POLR3G: variants seen among roughly 807,000 people sequenced by gnomAD.
The protein encoded by POLR3G is RNA polymerase III subunit G, also known as DNA-directed RNA polymerase III subunit RPC7.
Under a neutral mutation model 30.1 loss-of-function variants are expected in POLR3G, and 28 were observed. That is an observed-to-expected ratio of 0.93 (90% CI 0.69 to 1.27). The LOEUF is 1.27. Ranked by LOEUF, POLR3G falls within the 50% of genes most tolerant of loss-of-function variation. The probability of loss-of-function intolerance (pLI) is 0.00; values close to 1 mark genes in which losing one functional copy is unlikely to be tolerated. For synonymous variants in POLR3G, 79 were observed against 82.5 expected (o/e 0.96, Z 0.23); for missense variants, 254 against 264.6 (o/e 0.96, Z 0.28).
At chr5:90,482,377 C>T (rs906373446) in intron 1 of POLR3G, among the ~76,000 whole-genome samples, 8 of 152,182 alleles carry the variant, frequency 5.3e-5, no homozygotes, top group African/African-American at 1.9e-4. Flanking sequence ...TCTAACCTAA[C>T]TGTGACTCCA....
intron 3 of POLR3G, chr5:90,490,900 A>C (rs1401446507): frequency 6.3e-6 from 1 of 159,914 alleles, no homozygotes. Flanking sequence ...GAACGACCCT[A>C]CTGTCAGAGA....
intron 3 of POLR3G, among the ~76,000 whole-genome samples, chr5:90,493,676 A>ATTTTTTTTTTTTTTTTTTTT (rs70999488): frequency 3.9e-5 from 2 of 51,466 alleles, no homozygotes; most frequent in Non-Finnish European, 7.8e-5. Flanking sequence ...CCACTATTTA[A>ATTTTTTTTTTTTTTTTTTTT]TTTTTTTTTT....
intron 7 of POLR3G, among the ~76,000 whole-genome samples, chr5:90,511,552 GA>G (rs1375409504): frequency 6.6e-6 from 1 of 151,080 alleles, no homozygotes; most frequent in East Asian, 1.9e-4. Flanking sequence ...ACAAGAAAAA[GA>G]AACTAAGAGG....
intron 1 of POLR3G, among the ~76,000 whole-genome samples, chr5:90,481,362 C>T (rs1384092825): frequency 6.6e-6 from 1 of 151,680 alleles, no homozygotes; most frequent in East Asian, 1.9e-4. Context: ...AAATCTAAAC[C>T]TCTAGTTTAC....
chr5:90,492,025 A>T (rs1751751209), intron 3 of POLR3G, among the ~76,000 whole-genome samples: 1 of 152,144 alleles, frequency 6.6e-6, no homozygotes, highest in African/African-American at 2.4e-5. Flanking sequence ...AAAAATTTTT[A>T]ATTTTTTGCT....
At position 90,514,105 on chromosome 5, in the gene POLR3G, A is replaced by G. The variant is rs984278344; in HGVS notation, c.*1966A>G. 1 of 152,220 alleles carries G rather than the reference A, an allele frequency of 6.6e-6. No homozygotes were observed. Among genetic ancestry groups the G allele is most frequent in the Non-Finnish European group, 1.5e-5 (1 of 68,028 alleles). The allele number at this position is 152,220 out of a possible 1,614,324, so 9.4% of individuals were successfully genotyped here. ...AGGATTTACTCTGGGAGGTACCGTTAAGAGCCTTCTTTCCCCCTTTGAAAG... is the reference window on the plus strand; with the variant it reads ...AGGATTTACTCTGGGAGGTACCGTTGAGAGCCTTCTTTCCCCCTTTGAAAG... On this transcript the variant is annotated 3_prime_UTR_variant, in exon 8 of 8. Transcript: ENST00000651687.
intron 5 of POLR3G, among the ~76,000 whole-genome samples, chr5:90,500,655 A>T (rs1752203229): frequency 6.6e-6 from 1 of 152,138 alleles, no homozygotes; most frequent in African/African-American, 2.4e-5. Flanking sequence ...TTTGTTTGAG[A>T]AACCTCACTA....
At chr5:90,489,144 C>T (rs1333993033) in intron 3 of POLR3G, among the ~76,000 whole-genome samples, 2 of 151,984 alleles carry the variant, frequency 1.3e-5, no homozygotes, top group African/African-American at 2.4e-5. Flanking sequence ...ATGATCTTAG[C>T]ATGTGCTTAT....
chr5:90,509,546 T>G (rs934950898), intron 7 of POLR3G, among the ~76,000 whole-genome samples: 6 of 152,204 alleles, frequency 3.9e-5, no homozygotes, highest in African/African-American at 1.2e-4. Context: ...ATATAAGAGA[T>G]GCTGTGGGCA....
chr5:90,497,667 C>G lies in POLR3G; in HGVS notation c.316C>G (p.Leu106Val), dbSNP rs767451320. 5 of 1,603,022 alleles carry G rather than the reference C, an allele frequency of 3.1e-6. No individual in the cohort carries two copies. The highest frequency in any genetic ancestry group is 4.3e-6 in the Non-Finnish European group (5 of 1,175,430). The part of the protein sequence containing the change: ...KEEWIPDWRR[L>V]PREMMPRNKC... Reference sequence around the variant, plus strand: ...TATTTTATGTACAGATTGGAGAAGACTTCCAAGAGAGATGATGCCAAGAAA... The same window carrying G: ...TATTTTATGTACAGATTGGAGAAGAGTTCCAAGAGAGATGATGCCAAGAAA... Residue 106 changes from leucine (L) to valine (V), a missense_variant, in exon 5 of 8, where the codon CTT becomes GTT. Physicochemically the swap from Leu to Val is conservative, Grantham distance 32. Transcript: ENST00000651687.
chr5:90,477,844 C>T (rs1293210806), intron 1 of POLR3G, among the ~76,000 whole-genome samples: 1 of 152,182 alleles, frequency 6.6e-6, no homozygotes, highest in Non-Finnish European at 1.5e-5. Context: ...CATATGGGCT[C>T]AAGGGTCCCC....
Position 90,492,792 on chromosome 5 carries a change from G to C in POLR3G, c.248-2885G>C, listed in dbSNP as rs1272950315. Reference sequence around the variant, plus strand: ...AGCTACTCGGGAGACTGAGGCAGGAGAGTGGAGTCAACCTGGGAGTGAGCC... The same window carrying C: ...AGCTACTCGGGAGACTGAGGCAGGACAGTGGAGTCAACCTGGGAGTGAGCC... On this transcript the variant is annotated intron_variant, in intron 3 of 7. Transcript: ENST00000651687. Among the ~76,000 whole-genome samples, 8 of 150,752 alleles carry C rather than the reference G, an allele frequency of 5.3e-5. No homozygotes were observed. In the South Asian group the frequency reaches 1.5e-3, roughly 28 times the overall value.
intron 4 of POLR3G, 106 bp downstream of exon 4, chr5:90,495,839 G>A (rs1580209593): frequency 5.9e-6 from 8 of 1,366,980 alleles, no homozygotes; most frequent in East Asian, 2.7e-5. Flanking sequence ...GGAAAACTGA[G>A]TCTGGTTCTT....
chr5:90,478,569 CTTTTTT>C (rs773881344), intron 1 of POLR3G, among the ~76,000 whole-genome samples: 4 of 79,332 alleles, frequency 5.0e-5, no homozygotes, highest in Non-Finnish European at 7.0e-5. Flanking sequence ...CTGCGTGGTT[CTTTTTT>C]TTTTTTTTTT....
chr5:90,504,332 G>T (rs995732090), intron 6 of POLR3G, among the ~76,000 whole-genome samples: 2 of 151,780 alleles, frequency 1.3e-5, no homozygotes, highest in Non-Finnish European at 2.9e-5. Flanking sequence ...AGGCCGAGGC[G>T]GGTGGATCAT....
Position 90,491,477 on chromosome 5 carries a change from T to A in POLR3G, c.247+3348T>A, listed in dbSNP as rs117535926. 9.9e-5 allele frequency among the ~76,000 whole-genome samples: 15 copies of A among 152,140 alleles called. No individual in the cohort carries two copies. The East Asian group carries it at 2.9e-3, about 29-fold the overall frequency. ...GTTACTGAATAAATGGAATTTGGCT[T>A]ACTAATTCTTGATATACCATCAGTG... On this transcript the variant is annotated intron_variant, in intron 3 of 7. Transcript: ENST00000651687.
At chr5:90,486,794 A>G (rs1005496649) in intron 2 of POLR3G, among the ~76,000 whole-genome samples, 26 of 152,016 alleles carry the variant, frequency 1.7e-4, no homozygotes, top group African/African-American at 6.0e-4. Flanking sequence ...ATGTCACCTC[A>G]TTTGTTTACT....
chr5:90,495,746 C>T lies in POLR3G; in HGVS notation c.304+13C>T, dbSNP rs536657387. Reference sequence around the variant, plus strand: ...GAATGGATACCAGGTAACTACAAAACACACAATATGAAAACAGTTTTTAAA... The same window carrying T: ...GAATGGATACCAGGTAACTACAAAATACACAATATGAAAACAGTTTTTAAA... On this transcript the variant is annotated intron_variant, in intron 4 of 7. Transcript: ENST00000651687. The T allele has an allele frequency of 6.9e-6, 11 of 1,586,000 alleles. No homozygotes were observed. The highest frequency in any genetic ancestry group is 8.6e-6 in the Non-Finnish European group (10 of 1,168,966).
intron 4 of POLR3G, among the ~76,000 whole-genome samples, chr5:90,496,143 T>C (rs955476459): frequency 2.0e-4 from 31 of 151,806 alleles, no homozygotes; most frequent in Non-Finnish European, 2.6e-4. Context: ...AGCTAATTTT[T>C]TGTATTTTTA....
Sources: allele counts gnomAD v4.1 joint callset (sites outside exome capture counted in the v4.1 genomes callset), GRCh38; gene constraint gnomAD v4.1.1; transcripts MANE v1.5; gene names NCBI Gene and HGNC (gene_info 2026-07-23, HGNC 2026-07-21).